The following VKORC1L1 variants were observed in gnomAD, a reference collection of about 807,000 sequenced individuals.
The protein encoded by VKORC1L1 is vitamin K epoxide reductase complex subunit 1-like protein 1.
A neutral mutation model predicts 18.9 loss-of-function variants in VKORC1L1; 2 were observed. The observed-to-expected ratio is 0.11, with a 90% CI of 0.04 to 0.33. The LOEUF (loss-of-function observed/expected upper bound fraction) is 0.33. Ranked by LOEUF, VKORC1L1 falls within the 10% of genes least tolerant of loss-of-function variation. The probability of loss-of-function intolerance (pLI) is 1.00; values close to 1 mark genes in which losing one functional copy is unlikely to be tolerated. For missense variants in VKORC1L1, 123 were observed against 224.1 expected, an observed-to-expected ratio of 0.55 and a Z score of 2.88; for synonymous variants, 96 against 100.0, an observed-to-expected ratio of 0.96 and a Z score of 0.24.
At chr7:65,914,869 G>T (rs965184914) in intron 1 of VKORC1L1, among the ~76,000 whole-genome samples, 7 of 152,118 alleles carry the variant, frequency 4.6e-5, no homozygotes, top group Non-Finnish European at 5.9e-5. Flanking sequence ...GCTGGATGTG[G>T]TGGCACATGC....
At position 65,929,682 on chromosome 7, in the gene VKORC1L1, G is replaced by GTATATATATATATATATATATATA. The variant is rs34648135; in HGVS notation, c.195-18968_195-18967insATATATATATATATATATATATAT. On this transcript the variant is annotated intron_variant, in intron 1 of 2. Transcript: ENST00000360768. ...TGTGTGTGTGTGTATGTGTGTGTGT[G>GTATATATATATATATATATATATA]TATATATATATATATATATATGGTT... 3.3e-4 allele frequency among the ~76,000 whole-genome samples: 42 copies of GTATATATATATATATATATATATA among 128,582 alleles called. 1 individual carries two copies. The highest frequency in any genetic ancestry group is 4.6e-4 in the African/African-American group (16 of 34,462). 84.4% of individuals were successfully genotyped at this position (128,582 alleles called of 152,430 possible).
intron 1 of VKORC1L1, among the ~76,000 whole-genome samples, chr7:65,899,378 A>G (rs1789271438): frequency 6.6e-6 from 1 of 152,214 alleles, no homozygotes; most frequent in African/African-American, 2.4e-5. Context: ...AGATTGTCTC[A>G]TATCTCTGAC....
chr7:65,923,947 G>A (rs937494066), intron 1 of VKORC1L1, among the ~76,000 whole-genome samples: 1 of 152,158 alleles, frequency 6.6e-6, no homozygotes, highest in Non-Finnish European at 1.5e-5. Context: ...CAGGTAGAAG[G>A]GATGCTTCGA....
In VKORC1L1 at chr7:65,896,859, T is replaced by C. The variant is rs202117161; in HGVS notation, c.194+23294T>C. Among the ~76,000 whole-genome samples the C allele has an allele frequency of 3.6e-4, 54 of 151,962 alleles. No individual in the cohort carries two copies. The East Asian group carries it at 7.2e-3, about 20-fold the overall frequency. On this transcript the variant is annotated intron_variant, in intron 1 of 2. Coordinates refer to ENST00000360768, the MANE Select transcript of VKORC1L1 (RefSeq NM_173517.6). ...ATTAAAAATACAAAAATTAGCCAGG[T>C]GTAGTGGCACATGCCTGTAATCCCA...
Position 65,874,551 on chromosome 7 carries a change from TA to T in VKORC1L1, c.194+988del, listed in dbSNP as rs749293422. Among the ~76,000 whole-genome samples the T allele has an allele frequency of 1.3e-4, 20 of 152,190 alleles. No individual in the cohort carries two copies. The East Asian group carries it at 2.3e-3, about 18-fold the overall frequency. On this transcript the variant is annotated intron_variant, in intron 1 of 2. Transcript: ENST00000360768. ...GGCCGGGCACAGTGGCTCACGCCTG[TA>T]ATCCCAGCACTTTGGGAGGCCGAGG...
upstream of VKORC1L1, among the ~76,000 whole-genome samples, chr7:65,872,229 T>G (rs1788734829): frequency 6.6e-6 from 1 of 152,238 alleles, no homozygotes; most frequent in African/African-American, 2.4e-5. Context: ...TCGTCCTGAT[T>G]GTATTAGCTC....
chr7:65,932,070 G>T (rs865928064), intron 1 of VKORC1L1, among the ~76,000 whole-genome samples: 28 of 151,970 alleles, frequency 1.8e-4, no homozygotes, highest in African/African-American at 6.5e-4. Flanking sequence ...CGTTCTGCTT[G>T]CTTTAGATCT....
chr7:65,889,348 G>T (rs1240612188), intron 1 of VKORC1L1, among the ~76,000 whole-genome samples: 1 of 152,132 alleles, frequency 6.6e-6, no homozygotes, highest in East Asian at 1.9e-4. Context: ...GTATGTCCAA[G>T]ATTTATTTCA....
chr7:65,869,703 T>C (rs983576082), upstream of VKORC1L1, among the ~76,000 whole-genome samples: 1 of 139,026 alleles, frequency 7.2e-6, no homozygotes, highest in African/African-American at 2.7e-5. Context: ...CAGGCTGGAG[T>C]GCAGTGGCAT....
intron 1 of VKORC1L1, among the ~76,000 whole-genome samples, chr7:65,942,972 A>G (rs889550087): frequency 6.6e-6 from 1 of 152,256 alleles, no homozygotes; most frequent in Non-Finnish European, 1.5e-5. Flanking sequence ...AGTGATAACC[A>G]TATAAACAAT....
intron 1 of VKORC1L1, among the ~76,000 whole-genome samples, chr7:65,905,552 A>G (rs969927771): frequency 6.6e-6 from 1 of 151,624 alleles, no homozygotes; most frequent in Non-Finnish European, 1.5e-5. Context: ...CTCGTGATCC[A>G]CCCTCCTCGG....
chr7:65,929,307 G>A (rs1454871735), intron 1 of VKORC1L1, among the ~76,000 whole-genome samples: 2 of 152,134 alleles, frequency 1.3e-5, no homozygotes, highest in Non-Finnish European at 2.9e-5. Flanking sequence ...ACCTATTCAG[G>A]AGGGTGAGGT....
At chr7:65,894,779 C>T (rs1462139931) in intron 1 of VKORC1L1, among the ~76,000 whole-genome samples, 1 of 151,592 alleles carries the variant, frequency 6.6e-6, no homozygotes, top group Non-Finnish European at 1.5e-5. Context: ...GGCATAGTGT[C>T]TTGTGCCTGT....
chr7:65,873,596 G>T, intron 1 of VKORC1L1, 31 bp downstream of exon 1: 2 of 1,480,378 alleles, frequency 1.4e-6, no homozygotes, highest in Non-Finnish European at 1.8e-6. Context: ...GGCCAGGAGC[G>T]GCCGAGCGGG....
At chr7:65,865,947 C>T in the VKORC1L1 span, among the ~76,000 whole-genome samples, 1 of 151,642 alleles carries the variant, frequency 6.6e-6, no homozygotes, top group South Asian at 2.1e-4. Flanking sequence ...TGGTGAAATC[C>T]TGTCTCTACT....
chr7:65,895,464 A>G (rs1789176533), intron 1 of VKORC1L1, among the ~76,000 whole-genome samples: 12 of 44,252 alleles, frequency 2.7e-4, no homozygotes, highest in South Asian at 1.1e-3. Flanking sequence ...AAAAAAAAAA[A>G]AAAAAAAAAA....
chr7:65,954,114 G>C lies in VKORC1L1; in HGVS notation c.345G>C (p.Thr115=). 6.2e-7 allele frequency: 1 copy of C among 1,606,756 alleles called. No homozygotes were observed. The highest frequency in any genetic ancestry group is 2.2e-5 in the East Asian group (1 of 44,672). ...CTGTGGCGGCTTTGATCCTCATGAC[G>C]TCCTCCATCATGTCGGTCGTGGGGT... is the stretch of plus-strand genomic sequence containing the variant. The part of the protein sequence containing the change: ...ASAVAALILM[T]SSIMSVVGSL... The change falls in exon 3 of 3, where the codon ACG becomes ACC. Residue 115 remains threonine (T), a synonymous_variant. Coordinates refer to ENST00000360768, the MANE Select transcript of VKORC1L1 (RefSeq NM_173517.6).
At chr7:65,872,387 A>G (rs1347366478), upstream of VKORC1L1, among the ~76,000 whole-genome samples, 1 of 150,978 alleles carries the variant, frequency 6.6e-6, no homozygotes, top group African/African-American at 2.4e-5. Context: ...ATCTTGGCTC[A>G]CTGCAACCTC....
At chr7:65,924,931 T>C (rs1373402172) in intron 1 of VKORC1L1, among the ~76,000 whole-genome samples, 7 of 152,214 alleles carry the variant, frequency 4.6e-5, no homozygotes, top group Non-Finnish European at 7.3e-5. Flanking sequence ...TCTCCCCCGC[T>C]TCCAGCTGTT....
Sources: gnomAD v4.1 joint callset for allele counts (sites outside exome capture counted in the v4.1 genomes callset) on GRCh38, gnomAD v4.1.1 for gene constraint, MANE v1.5 for transcripts, NCBI Gene and HGNC (gene_info 2026-07-23, HGNC 2026-07-21) for gene names.